CFAP47: variants seen among roughly 807,000 people sequenced by gnomAD.
CFAP47 encodes cilia and flagella associated protein 47, also known as cilia- and flagella-associated protein 47.
In CFAP47, 29 loss-of-function variants were observed where a neutral mutation model predicts 148.1. The ratio of observed to expected loss-of-function variants is 0.20; its 90% CI spans 0.15 to 0.27. The LOEUF is 0.27. Ranked by LOEUF, CFAP47 falls within the 10% of genes least tolerant of loss-of-function variation. The pLI is 1.00. For missense variants in CFAP47, 1,872 were observed against 1,697.5 expected (o/e 1.10, Z -1.81); for synonymous variants, 664 against 577.3 (o/e 1.15, Z -2.15).
intron 2 of CFAP47, among the ~76,000 whole-genome samples, chrX:35,931,348 T>C (rs1390502265): frequency 1.8e-5 from 2 of 111,238 alleles, no homozygotes; most frequent in Non-Finnish European, 3.8e-5. Flanking sequence ...TGCACTTTTT[T>C]TTCTAAGTAA....
chrX:35,924,182 TACATGTATGTGTATATATGG>T (rs1442289370), intron 1 of CFAP47, among the ~76,000 whole-genome samples: 1 of 104,869 alleles, frequency 9.5e-6, no homozygotes, highest in Non-Finnish European at 1.9e-5. Flanking sequence ...CATGTATGCG[TACATGTATGTGTATATATGG>T]ACATGTATGT....
At chrX:36,360,473 C>T (rs1241490569) in intron 60 of CFAP47, among the ~76,000 whole-genome samples, 2 of 111,458 alleles carry the variant, frequency 1.8e-5, no homozygotes, top group African/African-American at 6.5e-5. Context: ...TGGCTTCTCC[C>T]TTTGCTATTC....
At chrX:36,348,403 C>T (rs1385059127) in intron 58 of CFAP47, 115 bp downstream of exon 58, 1 of 318,263 alleles carries the variant, frequency 3.1e-6, no homozygotes, top group African/African-American at 2.8e-5. Context: ...ATTTTATATT[C>T]TCTGAACTGT....
chrX:36,046,593 A>T (rs1457278376), intron 25 of CFAP47, among the ~76,000 whole-genome samples: 2 of 111,470 alleles, frequency 1.8e-5, no homozygotes, highest in African/African-American at 6.5e-5. Context: ...TATTGTGTTT[A>T]ATCAGGTGTC....
chrX:36,081,413 T>G (rs887591924), intron 29 of CFAP47, among the ~76,000 whole-genome samples: 1 of 111,242 alleles, frequency 9.0e-6, no homozygotes. Flanking sequence ...CTACCAGATA[T>G]TCAAAGAAGA....
At chrX:36,112,648 A>G (rs890699880) in intron 33 of CFAP47, among the ~76,000 whole-genome samples, 2 of 111,378 alleles carry the variant, frequency 1.8e-5, no homozygotes, top group African/African-American at 6.5e-5. Flanking sequence ...TCAGGTCCTG[A>G]ATATCTTTGT....
intron 29 of CFAP47, among the ~76,000 whole-genome samples, chrX:36,083,307 G>T (rs1181614788): frequency 9.1e-6 from 1 of 109,709 alleles, no homozygotes; most frequent in Non-Finnish European, 1.9e-5. Context: ...ACATATATGT[G>T]TATATGTACT....
chrX:36,350,664 C>T (rs1322528695), intron 59 of CFAP47, among the ~76,000 whole-genome samples: 1 of 107,977 alleles, frequency 9.3e-6, no homozygotes, highest in Non-Finnish European at 1.9e-5. Flanking sequence ...TTCTTGTTCT[C>T]TTTGACCTTT....
intron 57 of CFAP47, among the ~76,000 whole-genome samples, chrX:36,338,035 ATTTTTTT>A (rs1209274928): frequency 0.011 from 510 of 46,582 alleles, 5 homozygotes; most frequent in African/African-American, 0.045. Context: ...ACGCCTGGCT[ATTTTTTT>A]TTTTTTTTTT....
chrX:36,177,619 C>G (rs1350739941), intron 39 of CFAP47, among the ~76,000 whole-genome samples: 2 of 111,909 alleles, frequency 1.8e-5, no homozygotes, highest in Non-Finnish European at 3.8e-5. Flanking sequence ...TTACATTTTA[C>G]TATAGTTAAT....
At chrX:36,013,634 T>C (rs1399654060) in intron 21 of CFAP47, among the ~76,000 whole-genome samples, 1 of 111,168 alleles carries the variant, frequency 9.0e-6, no homozygotes, top group African/African-American at 3.3e-5. Context: ...AATCAAGACC[T>C]AGTATTCATC....
chrX:36,109,168 G>A (rs1938512771), intron 33 of CFAP47, among the ~76,000 whole-genome samples: 1 of 112,033 alleles, frequency 8.9e-6, no homozygotes, highest in African/African-American at 3.2e-5. Flanking sequence ...GTGTGTATGT[G>A]CCATGTTTTG....
intron 15 of CFAP47, chrX:35,986,015 C>A (rs777925355): frequency 3.6e-6 from 1 of 280,622 alleles, no homozygotes; most frequent in Admixed American, 3.2e-5. Context: ...AGGAAATTGC[C>A]CATGGTCTCA....
chrX:35,927,154 CAAA>C (rs35155006), intron 2 of CFAP47, among the ~76,000 whole-genome samples: 4 of 88,669 alleles, frequency 4.5e-5, no homozygotes, highest in Admixed American at 1.3e-4. Context: ...GACCCTATCT[CAAA>C]AAAAAAAAAA....
At chrX:36,041,004 A>T (rs1234672571) in intron 25 of CFAP47, among the ~76,000 whole-genome samples, 1 of 112,113 alleles carries the variant, frequency 8.9e-6, no homozygotes, top group African/African-American at 3.2e-5. Flanking sequence ...GGAAATATAT[A>T]ACCTTAAATA....
chrX:36,377,709 AT>A (rs1324736746), intron 62 of CFAP47, among the ~76,000 whole-genome samples: 1 of 111,763 alleles, frequency 8.9e-6, no homozygotes, highest in Non-Finnish European at 1.9e-5. Context: ...GCCCTGTCTT[AT>A]TCATTCTCAT....
At chrX:36,121,171 A>G (rs1373068550) in intron 33 of CFAP47, among the ~76,000 whole-genome samples, 3 of 111,383 alleles carry the variant, frequency 2.7e-5, no homozygotes, top group Non-Finnish European at 5.7e-5. Context: ...TGATGTAAGT[A>G]TAGGGACTCT....
intron 28 of CFAP47, 127 bp downstream of exon 28, chrX:36,072,098 A>G: frequency 4.0e-6 from 2 of 497,891 alleles, no homozygotes. Flanking sequence ...GGAATTTGTC[A>G]TTAATTTTAA....
intron 50 of CFAP47, among the ~76,000 whole-genome samples, chrX:36,280,833 A>C (rs1556003484): frequency 8.9e-6 from 1 of 112,169 alleles, no homozygotes; most frequent in Non-Finnish European, 1.9e-5. Flanking sequence ...ATAGTATCAA[A>C]ATACTTCAGC....
Sources: allele counts gnomAD v4.1 joint callset (sites outside exome capture counted in the v4.1 genomes callset), GRCh38; gene constraint gnomAD v4.1.1; transcripts MANE v1.5; gene names NCBI Gene and HGNC (gene_info 2026-07-23, HGNC 2026-07-21).